RHOH: variants seen among roughly 807,000 people sequenced by gnomAD.
RHOH encodes rho-related GTP-binding protein RhoH.
Under a neutral mutation model 13.8 loss-of-function variants are expected in RHOH, and 6 were observed. The observed-to-expected ratio is 0.44, with a 90% CI of 0.24 to 0.86. The LOEUF (loss-of-function observed/expected upper bound fraction) is 0.86. Ranked by LOEUF, RHOH falls within the 40% of genes least tolerant of loss-of-function variation. The pLI, the probability that RHOH is intolerant of heterozygous loss-of-function variation, is 0.24. For synonymous variants in RHOH, 117 were observed against 103.0 expected (o/e 1.14, Z -0.82); for missense variants, 147 against 244.5 (o/e 0.60, Z 2.66).
chr4:40,243,249 A>C lies in RHOH; in HGVS notation c.-138A>C. On this transcript the variant is annotated 5_prime_UTR_variant, in exon 3 of 3. Transcript: ENST00000381799. The surrounding 1 kb of genome is among the most constrained non-coding windows in gnomAD (Gnocchi z 6.2). The stretch of plus-strand genomic sequence containing the variant: ...GGGCAGGGAGAAGTAACATTCTGCA[A>C]ATCGCCGTCAGAGGTCCTGAGGACA... 4 of 644,332 alleles carry C rather than the reference A, an allele frequency of 6.2e-6. No individual in the cohort carries two copies. In the East Asian group the frequency reaches 1.1e-4, roughly 18 times the overall value. The allele number at this position is 644,332 out of a possible 1,614,324, so 39.9% of individuals were successfully genotyped here. A position where few individuals can be genotyped will look rare whatever the true frequency, so the allele number is the denominator to read the frequency against.
chr4:40,225,155 C>G (rs979555188), intron 1 of RHOH, among the ~76,000 whole-genome samples: 1 of 152,142 alleles, frequency 6.6e-6, no homozygotes, highest in Non-Finnish European at 1.5e-5. Context: ...ACTTTGTCAC[C>G]TAGGCTGGAG....
chr4:40,234,594 A>G (rs1314463977), intron 1 of RHOH, among the ~76,000 whole-genome samples: 1 of 152,154 alleles, frequency 6.6e-6, no homozygotes, highest in African/African-American at 2.4e-5. Context: ...AGAGCTTAAT[A>G]TGTTGAAATA....
At position 40,243,808 on chromosome 4, in the gene RHOH, A is replaced by G. The variant is rs2109592369; in HGVS notation, c.422A>G (p.Gln141Arg). The G allele has an allele frequency of 6.2e-7, 1 of 1,614,184 alleles. No individual in the cohort carries two copies. The highest frequency in any genetic ancestry group is 8.5e-7 in the Non-Finnish European group (1 of 1,180,020). The change falls in exon 3 of 3, where the codon CAG (glutamine) becomes CGG (arginine). Residue 141 changes from glutamine to arginine, a missense_variant. Gln to Arg is a conservative substitution (Grantham distance 43, BLOSUM62 1). Transcript: ENST00000381799. This position sits in a 1 kb window ranked among gnomAD's most constrained non-coding sequence, Gnocchi z 6.2. ...VNAMEGKKLA[Q>R]DVRAKGYLEC... ...GCCATGGAAGGGAAGAAACTGGCCCAGGATGTCAGAGCCAAGGGCTACCTG... is the reference window on the plus strand; with the variant it reads ...GCCATGGAAGGGAAGAAACTGGCCCGGGATGTCAGAGCCAAGGGCTACCTG...
At chr4:40,217,695 T>C (rs1426845130) in intron 1 of RHOH, among the ~76,000 whole-genome samples, 3 of 152,212 alleles carry the variant, frequency 2.0e-5, no homozygotes, top group African/African-American at 7.2e-5. Context: ...CAAGTTATTT[T>C]GTGTGGCAGC....
At chr4:40,207,406 C>G (rs754428443) in intron 1 of RHOH, among the ~76,000 whole-genome samples, 12 of 152,028 alleles carry the variant, frequency 7.9e-5, no homozygotes, top group Non-Finnish European at 1.6e-4. Context: ...CTCTACATTT[C>G]AGGAAAAGCA....
At chr4:40,194,402 T>C (rs1336997355), upstream of RHOH, among the ~76,000 whole-genome samples, 2 of 152,082 alleles carry the variant, frequency 1.3e-5, no homozygotes. Context: ...CTAATTTTTG[T>C]ATTTTTAGAA....
Position 40,243,672 on chromosome 4 carries a change from A to G in RHOH, c.286A>G (p.Asn96Asp), listed in dbSNP as rs1205289005. The G allele has an allele frequency of 6.2e-7, 1 of 1,614,190 alleles. No homozygotes were observed. The highest frequency in any genetic ancestry group is 1.1e-5 in the South Asian group (1 of 91,078). ...ANHNSFLNLK[N>D]KWIGEIRSNL... ...CCATAACTCATTCCTGAACTTGAAG[A>G]ACAAGTGGATTGGTGAAATTAGGAG... The change falls in exon 3 of 3, where the codon AAC becomes GAC. Residue 96 changes from asparagine to aspartate, a missense_variant. Physicochemically the swap from Asn to Asp is conservative, Grantham distance 23. Coordinates refer to ENST00000381799, the MANE Select transcript of RHOH (RefSeq NM_004310.5). This position sits in a 1 kb window ranked among gnomAD's most constrained non-coding sequence, Gnocchi z 6.2.
At chr4:40,206,483 A>C (rs2381496) in intron 1 of RHOH, among the ~76,000 whole-genome samples, 25,375 of 152,118 alleles carry the variant, frequency 0.17, 2,387 homozygotes, top group East Asian at 0.39. Flanking sequence ...AATGATGTAA[A>C]ATCAATTACA....
intron 1 of RHOH, among the ~76,000 whole-genome samples, chr4:40,204,938 T>A (rs1027076556): frequency 6.6e-6 from 1 of 152,232 alleles, no homozygotes; most frequent in Non-Finnish European, 1.5e-5. Flanking sequence ...ATGTCTTACT[T>A]ATCAGCTCGT....
At chr4:40,201,191 A>C (rs920343857) in intron 1 of RHOH, among the ~76,000 whole-genome samples, 1 of 152,134 alleles carries the variant, frequency 6.6e-6, no homozygotes, top group Non-Finnish European at 1.5e-5. Flanking sequence ...CGGTAAAATG[A>C]ATGTTTGAGG....
At chr4:40,232,754 C>T (rs1458265303) in intron 1 of RHOH, among the ~76,000 whole-genome samples, 1 of 152,254 alleles carries the variant, frequency 6.6e-6, no homozygotes, top group Non-Finnish European at 1.5e-5. Flanking sequence ...CACAGTGCAA[C>T]CTCCCTGAAC....
chr4:40,211,292 C>T (rs542535140), intron 1 of RHOH, among the ~76,000 whole-genome samples: 1 of 151,970 alleles, frequency 6.6e-6, no homozygotes, highest in South Asian at 2.1e-4. Context: ...TTGAGACAGC[C>T]TCTCTCTTTC....
chr4:40,228,358 G>A (rs777697727), intron 1 of RHOH, among the ~76,000 whole-genome samples: 26 of 152,026 alleles, frequency 1.7e-4, no homozygotes, highest in Non-Finnish European at 2.2e-4. Flanking sequence ...CAGTGTTTTC[G>A]AAATGTTCTA....
upstream of RHOH, among the ~76,000 whole-genome samples, chr4:40,196,219 C>T (rs529779790): frequency 1.3e-5 from 2 of 152,302 alleles, no homozygotes; most frequent in Admixed American, 1.3e-4. Context: ...TTACGGTCGG[C>T]AGGTATTTTG....
chr4:40,196,161 C>T (rs1446503384), upstream of RHOH, among the ~76,000 whole-genome samples: 1 of 152,140 alleles, frequency 6.6e-6, no homozygotes, highest in Non-Finnish European at 1.5e-5. Context: ...GAGTGTGGGG[C>T]CGATGCACTG....
At position 40,246,667 on chromosome 4, in the gene RHOH, T is replaced by C. The variant is rs1400138480; in HGVS notation, c.*2705T>C. The C allele has an allele frequency of 6.6e-6, 1 of 152,262 alleles. No individual in the cohort carries two copies. Among genetic ancestry groups the C allele is most frequent in the East Asian group, 1.9e-4 (1 of 5,198 alleles). 9.4% of individuals were successfully genotyped at this position (152,262 alleles called of 1,614,324 possible). On this transcript the variant is annotated 3_prime_UTR_variant, in exon 3 of 3. Coordinates refer to ENST00000381799, the MANE Select transcript of RHOH (RefSeq NM_004310.5). ...GAAGGCAATGGAGGTAAAGTTGTGT[T>C]AAACTGAAATGGAGAGAAAGACAGT...
upstream of RHOH, among the ~76,000 whole-genome samples, chr4:40,195,356 TC>T (rs1723014270): frequency 1.9e-4 from 6 of 32,090 alleles, no homozygotes; most frequent in African/African-American, 7.3e-4. Context: ...TTCTTTCTTT[TC>T]CTTCCTTCCT....
chr4:40,224,381 G>T, intron 1 of RHOH, among the ~76,000 whole-genome samples: 1 of 152,194 alleles, frequency 6.6e-6, no homozygotes, highest in Admixed American at 6.5e-5. Context: ...TTGACTACTT[G>T]TGTAGACACA....
chr4:40,213,784 GTC>G (rs1345707616), intron 1 of RHOH, among the ~76,000 whole-genome samples: 1 of 152,038 alleles, frequency 6.6e-6, no homozygotes, highest in Non-Finnish European at 1.5e-5. Flanking sequence ...TTGAGATAGA[GTC>G]TTGCTCTGTC....
Sources: gnomAD v4.1 joint callset for allele counts (sites outside exome capture counted in the v4.1 genomes callset) on GRCh38, gnomAD v4.1.1 for gene constraint, Gnocchi (gnomAD v3.1) non-coding constraint, MANE v1.5 for transcripts, NCBI Gene and HGNC (gene_info 2026-07-23, HGNC 2026-07-21) for gene names.